KIAA1217: variants seen among roughly 807,000 people sequenced by gnomAD.
The protein encoded by KIAA1217 is sickle tail protein homolog.
In KIAA1217, 88 loss-of-function variants were observed where a neutral mutation model predicts 163.9. The observed-to-expected ratio is 0.54, with a 90% CI of 0.45 to 0.64. KIAA1217 has a LOEUF of 0.64. Ranked by LOEUF, KIAA1217 falls within the 30% of genes least tolerant of loss-of-function variation. The probability of loss-of-function intolerance (pLI) is 0.00; values close to 1 mark genes in which losing one functional copy is unlikely to be tolerated. For synonymous variants in KIAA1217, 903 were observed against 923.1 expected (o/e 0.98, Z 0.39); for missense variants, 2,372 against 2,475.0 (o/e 0.96, Z 0.88).
chr10:23,774,615 G>T (rs986898137), intron 1 of KIAA1217, among the ~76,000 whole-genome samples: 3 of 152,100 alleles, frequency 2.0e-5, no homozygotes, highest in Non-Finnish European at 4.4e-5. Flanking sequence ...TGGGCCAAGG[G>T]GTGGCTGTTC....
chr10:23,741,454 A>G (rs187620063), intron 1 of KIAA1217, among the ~76,000 whole-genome samples: 163 of 152,230 alleles, frequency 1.1e-3, no homozygotes, highest in African/African-American at 3.7e-3. Flanking sequence ...GACTAATTTC[A>G]TGCCTGTTCA....
At chr10:24,266,119 C>T (rs2076211288) in intron 2 of KIAA1217, among the ~76,000 whole-genome samples, 1 of 151,020 alleles carries the variant, frequency 6.6e-6, no homozygotes, top group South Asian at 2.1e-4. Flanking sequence ...CACCCTGTCG[C>T]CCAGGTTGGA....
At position 24,495,125 on chromosome 10, in the gene KIAA1217, ACTCT is replaced by A; in HGVS notation, c.1785-19_1785-16del. ...AGGCATTTTGGAAACTGCATAGCTG[ACTCT>A]CTTTTTCTTTTATTCAGCGAGAAAA... On this transcript the variant is annotated intron_variant, in intron 7 of 20. Coordinates refer to ENST00000376454, the MANE Select transcript of KIAA1217 (RefSeq NM_019590.5). 6.2e-7 allele frequency: 1 copy of A among 1,603,800 alleles called. No homozygotes were observed. Among genetic ancestry groups the A allele is most frequent in the Non-Finnish European group, 8.5e-7 (1 of 1,176,112 alleles).
At chr10:23,875,555 G>A (rs1005664021) in intron 1 of KIAA1217, among the ~76,000 whole-genome samples, 1 of 151,826 alleles carries the variant, frequency 6.6e-6, no homozygotes, top group Admixed American at 6.6e-5. Context: ...TTATAAGGAT[G>A]TAGAACTAGA....
intron 1 of KIAA1217, among the ~76,000 whole-genome samples, chr10:23,721,048 C>T (rs1287329741): frequency 5.9e-5 from 9 of 152,178 alleles, no homozygotes; most frequent in Admixed American, 5.9e-4. Flanking sequence ...TCTGTAGAGG[C>T]TTTAGTAGTC....
chr10:24,524,699 A>G lies in KIAA1217; in HGVS notation c.2833A>G (p.Met945Val), dbSNP rs776915990. The G allele has an allele frequency of 9.3e-6, 15 of 1,612,898 alleles. No individual in the cohort carries two copies. The highest frequency in any genetic ancestry group is 1.3e-5 in the Non-Finnish European group (15 of 1,179,128). The change falls in exon 13 of 21, where the codon ATG becomes GTG. Residue 945 changes from methionine (M) to valine (V), a missense_variant. This residue lies in a region of KIAA1217 where 1,431 missense variants were observed against 1,470.3 expected (regional missense o/e 0.97). Coordinates refer to ENST00000376454, the MANE Select transcript of KIAA1217 (RefSeq NM_019590.5). Reference sequence around the variant, plus strand: ...ACAGATACCCATGAATGGGTCTGCCATGCAGAGCTTGTTCATTGAAGAAAT... The same window carrying G: ...ACAGATACCCATGAATGGGTCTGCCGTGCAGAGCTTGTTCATTGAAGAAAT... The part of the protein sequence containing the change: ...SPQIPMNGSA[M>V]QSLFIEEIHS...
rs78823889 is a variant in KIAA1217, at chr10:23,770,600, G to A, written c.-321+75366G>A. ...ACCCTGGAAGAGTGATTATATTGTA[G>A]CATCAGTCTAAAAAGTTAGTGTCCA... On this transcript the variant is annotated intron_variant, in intron 1 of 18. Transcript: ENST00000376462. Among the ~76,000 whole-genome samples, 175 of 152,268 alleles carry A rather than the reference G, an allele frequency of 1.1e-3. 12 individuals are homozygous for A. The East Asian group carries it at 0.027, about 24-fold the overall frequency.
chr10:24,402,281 C>T (rs558297883), intron 3 of KIAA1217, among the ~76,000 whole-genome samples: 16 of 151,514 alleles, frequency 1.1e-4, no homozygotes, highest in Admixed American at 3.3e-4. Context: ...CCAAGGCGGG[C>T]GGATCACGAG....
At chr10:23,790,208 CAT>C (rs1491237902) in intron 1 of KIAA1217, among the ~76,000 whole-genome samples, 2 of 4,966 alleles carry the variant, frequency 4.0e-4, no homozygotes, top group African/African-American at 6.5e-4. Context: ...TGCATATACA[CAT>C]ATACACATAT....
At chr10:23,987,440 A>G (rs1011601288) in intron 1 of KIAA1217, among the ~76,000 whole-genome samples, 12 of 148,556 alleles carry the variant, frequency 8.1e-5, no homozygotes, top group Non-Finnish European at 1.8e-4. Context: ...CATCATTTTT[A>G]TTTAAAAATA....
intron 3 of KIAA1217, 140 bp from the exon 4 acceptor site, chr10:24,432,855 C>T (rs1385154580): frequency 1.9e-5 from 12 of 635,970 alleles, no homozygotes; most frequent in Non-Finnish European, 3.3e-5. Context: ...CTTGGAAATT[C>T]CAAACCTAGA....
intron 1 of KIAA1217, among the ~76,000 whole-genome samples, chr10:23,747,360 C>T (rs142697523): frequency 8.1e-4 from 124 of 152,192 alleles, no homozygotes; most frequent in African/African-American, 2.8e-3. Flanking sequence ...TCCTGGGCTT[C>T]GGATCCTGGG....
At chr10:23,696,409 C>T (rs1836047470) in intron 1 of KIAA1217, among the ~76,000 whole-genome samples, 1 of 151,882 alleles carries the variant, frequency 6.6e-6, no homozygotes, top group Admixed American at 6.6e-5. Context: ...ATGGAAATCC[C>T]ACTTAGCTTC....
At chr10:24,155,795 C>T (rs2064846404) in intron 2 of KIAA1217, among the ~76,000 whole-genome samples, 1 of 151,836 alleles carries the variant, frequency 6.6e-6, no homozygotes, top group East Asian at 1.9e-4. Flanking sequence ...TGCACTCTAA[C>T]CTGGTGACAC....
chr10:23,761,066 A>G (rs952004557), intron 1 of KIAA1217, among the ~76,000 whole-genome samples: 1 of 152,046 alleles, frequency 6.6e-6, no homozygotes, highest in African/African-American at 2.4e-5. Context: ...GCTGGGCAAC[A>G]TCGTGAGATC....
rs78184515 is a variant in KIAA1217 at position 24,078,064 on chromosome 10, G to T, written c.-171+70690G>T. Among the ~76,000 whole-genome samples, 369 of 152,224 alleles carry T rather than the reference G, an allele frequency of 2.4e-3. 1 individual carries two copies. Among genetic ancestry groups the T allele is most frequent in the Non-Finnish European group, 4.0e-3 (274 of 68,014 alleles). Reference sequence around the variant, plus strand: ...GTTTCTTTCTTGTAAATTTATTAAAGTTCCTTAAAGATGCTGGATATTAGA... The same window carrying T: ...GTTTCTTTCTTGTAAATTTATTAAATTTCCTTAAAGATGCTGGATATTAGA... On this transcript the variant is annotated intron_variant, in intron 2 of 18. Transcript: ENST00000376462.
At chr10:23,941,582 T>C (rs897601875) in intron 1 of KIAA1217, among the ~76,000 whole-genome samples, 2 of 152,130 alleles carry the variant, frequency 1.3e-5, no homozygotes, top group Non-Finnish European at 2.9e-5. Context: ...TGACTGGAAA[T>C]TGAGGATGAC....
At chr10:24,536,419 G>GT (rs2074022403) in intron 16 of KIAA1217, among the ~76,000 whole-genome samples, 1 of 152,158 alleles carries the variant, frequency 6.6e-6, no homozygotes, top group East Asian at 1.9e-4. Flanking sequence ...AAGAAAGATA[G>GT]TTTTTTGTTT....
intron 12 of KIAA1217, 110 bp from the exon 13 acceptor site, chr10:24,524,213 A>G: frequency 8.7e-7 from 1 of 1,147,816 alleles, no homozygotes; most frequent in Non-Finnish European, 1.3e-6. Flanking sequence ...GGCTACTCTG[A>G]GCTTTGGGAT....
Sources: gnomAD v4.1 joint callset for allele counts (sites outside exome capture counted in the v4.1 genomes callset) on GRCh38, gnomAD v4.1.1 for gene constraint, gnomAD v4.1.1 regional missense constraint, MANE v1.5 for transcripts, NCBI Gene and HGNC (gene_info 2026-07-23, HGNC 2026-07-21) for gene names.